Variants in PPP2R5E observed in about 807,000 individuals in gnomAD.
PPP2R5E encodes protein phosphatase 2 regulatory subunit B'epsilon.
A neutral mutation model predicts 65.3 loss-of-function variants in PPP2R5E; 4 were observed. The ratio of observed to expected loss-of-function variants is 0.06; its 90% CI spans 0.03 to 0.14. The LOEUF is 0.14. Ranked by LOEUF, PPP2R5E falls within the 10% of genes least tolerant of loss-of-function variation. The pLI, the probability that PPP2R5E is intolerant of heterozygous loss-of-function variation, is 1.00. For synonymous variants in PPP2R5E, 183 were observed against 187.4 expected (o/e 0.98, Z 0.19); for missense variants, 274 against 556.1 (o/e 0.49, Z 5.10).
intron 2 of PPP2R5E, among the ~76,000 whole-genome samples, chr14:63,475,109 C>T (rs569344036): frequency 1.3e-5 from 2 of 152,234 alleles, no homozygotes; most frequent in Non-Finnish European, 2.9e-5. Context: ...CCACACCTCA[C>T]CCTCCCTGCC....
At chr14:63,423,910 C>T (rs1364772711) in intron 3 of PPP2R5E, among the ~76,000 whole-genome samples, 2 of 151,980 alleles carry the variant, frequency 1.3e-5, no homozygotes, top group African/African-American at 2.4e-5. Context: ...GGGTAAGCTA[C>T]GGGAAGGAGA....
chr14:63,486,288 C>T (rs994315016), intron 2 of PPP2R5E, among the ~76,000 whole-genome samples: 5 of 117,070 alleles, frequency 4.3e-5, no homozygotes, highest in Non-Finnish European at 8.6e-5. Flanking sequence ...TCTTTCTTTC[C>T]CCATTACACA....
At chr14:63,485,193 A>AT (rs201334301) in intron 2 of PPP2R5E, among the ~76,000 whole-genome samples, 13 of 142,124 alleles carry the variant, frequency 9.1e-5, no homozygotes, top group African/African-American at 3.7e-4. Flanking sequence ...TGCTATACTC[A>AT]TTTAAAAAAA....
At chr14:63,380,216 T>C (rs1566661066) in intron 13 of PPP2R5E, among the ~76,000 whole-genome samples, 1 of 152,178 alleles carries the variant, frequency 6.6e-6, no homozygotes, top group Non-Finnish European at 1.5e-5. Context: ...TCAGAGAAGA[T>C]GTTATGCACA....
In PPP2R5E at chr14:63,489,700, G is replaced by A. The variant is rs781553674; in HGVS notation, c.158-35815C>T. 3.9e-5 allele frequency among the ~76,000 whole-genome samples: 6 copies of A among 152,120 alleles called. No homozygotes were observed. In the East Asian group the frequency reaches 5.8e-4, roughly 15 times the overall value. On this transcript the variant is annotated intron_variant, in intron 2 of 13. Transcript: ENST00000337537. The stretch of plus-strand genomic sequence containing the variant: ...AGGAATTACAGGCATGAGCTGCTGC[G>A]CCCAGCCAATACCAAAATTCTTAAT...
chr14:63,390,703 A>G (rs950590582), intron 10 of PPP2R5E, among the ~76,000 whole-genome samples: 23 of 152,348 alleles, frequency 1.5e-4, no homozygotes, highest in African/African-American at 5.5e-4. Flanking sequence ...GTTTCTGCTA[A>G]AAGTAAAATA....
At chr14:63,392,125 T>G in intron 8 of PPP2R5E, 100 bp from the exon 9 acceptor site, 1 of 763,812 alleles carries the variant, frequency 1.3e-6, no homozygotes, top group Non-Finnish European at 2.0e-6. Context: ...CCAGACTGCT[T>G]TTAATAACTT....
intron 4 of PPP2R5E, among the ~76,000 whole-genome samples, chr14:63,416,900 G>A (rs991888879): frequency 2.6e-5 from 4 of 151,944 alleles, no homozygotes; most frequent in Non-Finnish European, 4.4e-5. Context: ...GGAGATCCAG[G>A]GAGATCTCCA....
At chr14:63,390,676 G>A (rs1008600627) in intron 10 of PPP2R5E, among the ~76,000 whole-genome samples, 2 of 152,208 alleles carry the variant, frequency 1.3e-5, no homozygotes, top group Non-Finnish European at 2.9e-5. Context: ...AATTGAAGCT[G>A]ATTTGAGAAG....
At position 63,421,152 on chromosome 14, in the gene PPP2R5E, T is replaced by C. The variant is rs182773103; in HGVS notation, c.456+841A>G. Among the ~76,000 whole-genome samples the C allele has an allele frequency of 1.9e-3, 288 of 149,212 alleles. 5 individuals are homozygous for C. The highest frequency in any genetic ancestry group is 7.2e-3 in the Middle Eastern group (2 of 276). ...AGCAGCTTCTGCCTAGGGGTGAAGA[T>C]GTACAAGGTATTATTCATTTTCTTC... On this transcript the variant is annotated intron_variant, in intron 4 of 13. Transcript: ENST00000337537.
rs76762245 is a variant in PPP2R5E, at chr14:63,517,161, G to A, written c.157+22368C>T. Among the ~76,000 whole-genome samples, 20 of 152,084 alleles carry A rather than the reference G, an allele frequency of 1.3e-4. No homozygotes were observed. In the East Asian group the frequency reaches 3.9e-3, roughly 29 times the overall value. On this transcript the variant is annotated intron_variant, in intron 2 of 13. Transcript: ENST00000337537. ...TTGTTAACTATGACACCCTGAGGTG[G>A]TGAAATTATGTTATGACAGTACATA...
Position 63,376,059 on chromosome 14 carries a change from C to T in PPP2R5E, c.1354G>A (p.Asp452Asn). The change falls in exon 14 of 14, where the codon GAT becomes AAT. Residue 452 changes from aspartate (D) to asparagine (N), a missense_variant. Asp to Asn is a conservative substitution (Grantham distance 23). Transcript: ENST00000337537. ...EREELWKKLE[D>N]LELKRGLRRD... ...CTAAGACCTCTCTTTAACTCCAGAT[C>T]CTCCAATTTTTTCCACAATTCTTCA... is the stretch of plus-strand genomic sequence containing the variant. The T allele has an allele frequency of 6.2e-7, 1 of 1,610,274 alleles. No individual in the cohort carries two copies. Among genetic ancestry groups the T allele is most frequent in the Non-Finnish European group, 8.5e-7 (1 of 1,176,710 alleles).
intron 3 of PPP2R5E, among the ~76,000 whole-genome samples, chr14:63,449,871 T>TC (rs1888711355): frequency 8.1e-6 from 1 of 123,722 alleles, no homozygotes; most frequent in Non-Finnish European, 1.6e-5. Context: ...TTTCTTTTCC[T>TC]ATTTTTTTTT....
chr14:63,482,107 A>G (rs757965125), intron 2 of PPP2R5E, among the ~76,000 whole-genome samples: 29 of 152,348 alleles, frequency 1.9e-4, no homozygotes, highest in Middle Eastern at 3.4e-3. Context: ...TTCAGAATCA[A>G]TACAAAAAAT....
chr14:63,417,227 C>CT (rs1886750142), intron 4 of PPP2R5E, among the ~76,000 whole-genome samples: 1 of 152,130 alleles, frequency 6.6e-6, no homozygotes, highest in Admixed American at 6.6e-5. Flanking sequence ...AAATCACATT[C>CT]TTTATTATCT....
intron 12 of PPP2R5E, among the ~76,000 whole-genome samples, chr14:63,382,407 T>TC (rs1262412063): frequency 6.6e-6 from 1 of 151,696 alleles, no homozygotes; most frequent in East Asian, 1.9e-4. Context: ...TAATTTCTTT[T>TC]TTTTTTTTTT....
chr14:63,434,683 CCAATT>C (rs1887866851), intron 3 of PPP2R5E, among the ~76,000 whole-genome samples: 1 of 152,196 alleles, frequency 6.6e-6, no homozygotes, highest in Non-Finnish European at 1.5e-5. Flanking sequence ...CTGGTCAAAA[CCAATT>C]TCACTCTCAT....
intron 1 of PPP2R5E, among the ~76,000 whole-genome samples, chr14:63,540,126 C>A (rs1411906942): frequency 7.8e-6 from 1 of 127,430 alleles, no homozygotes; most frequent in African/African-American, 3.0e-5. Flanking sequence ...GAGATTCCGT[C>A]CTTTAAAAAA....
intron 2 of PPP2R5E, among the ~76,000 whole-genome samples, chr14:63,537,116 T>C (rs1318067612): frequency 6.6e-6 from 1 of 152,176 alleles, no homozygotes; most frequent in Admixed American, 6.5e-5. Context: ...TTCTCATGCA[T>C]GCTTCTTTCA....
Sources: allele counts gnomAD v4.1 joint callset (sites outside exome capture counted in the v4.1 genomes callset), GRCh38; gene constraint gnomAD v4.1.1; transcripts MANE v1.5; gene names NCBI Gene and HGNC (gene_info 2026-07-23, HGNC 2026-07-21).